The following MACROD2 variants were observed in gnomAD, a reference collection of about 807,000 sequenced individuals.
MACROD2 encodes the protein mono-ADP ribosylhydrolase 2, also known as ADP-ribose glycohydrolase MACROD2.
MACROD2 carries 36 observed loss-of-function variants against 70.4 expected under a neutral mutation model. The ratio of observed to expected loss-of-function variants is 0.51; its 90% CI spans 0.39 to 0.68. MACROD2 has a LOEUF of 0.68. MACROD2 is among the 30% of genes least tolerant of loss of function. The pLI is 0.00. For missense variants in MACROD2, 496 were observed against 538.4 expected (o/e 0.92, Z 0.78); for synonymous variants, 172 against 178.8 (o/e 0.96, Z 0.30).
chr20:15,836,237 G>A (rs892014064), intron 8 of MACROD2, among the ~76,000 whole-genome samples: 1 of 152,218 alleles, frequency 6.6e-6, no homozygotes, highest in Non-Finnish European at 1.5e-5. Context: ...ACTTAGGAGA[G>A]GGTAAATGGA....
intron 3 of MACROD2, among the ~76,000 whole-genome samples, chr20:14,151,816 T>C (rs1170095614): frequency 2.1e-4 from 27 of 126,680 alleles, no homozygotes; most frequent in African/African-American, 6.3e-4. Flanking sequence ...TGTATCTTTT[T>C]TTTTTTTTTT....
rs565800765 is a variant in MACROD2 at position 15,540,445 on chromosome 20, G to C, written c.645+40598G>C. ...GAGAAGGAAGTGTGGCCAAGGAAGA[G>C]ACTCTTGTAGCAATTCAAATGAGAA... On this transcript the variant is annotated intron_variant, in intron 8 of 17. Coordinates refer to ENST00000684519, the MANE Select transcript of MACROD2 (RefSeq NM_001351661.2). 5.9e-5 allele frequency among the ~76,000 whole-genome samples: 9 copies of C among 152,262 alleles called. No homozygotes were observed. In the East Asian group the frequency reaches 1.7e-3, roughly 29 times the overall value.
chr20:15,125,271 A>C (rs1386262602), intron 5 of MACROD2, among the ~76,000 whole-genome samples: 1 of 152,110 alleles, frequency 6.6e-6, no homozygotes, highest in Non-Finnish European at 1.5e-5. Flanking sequence ...TGTTAAACAA[A>C]GTAATTCCTA....
intron 5 of MACROD2, among the ~76,000 whole-genome samples, chr20:14,860,513 C>T (rs978349087): frequency 6.6e-6 from 1 of 152,062 alleles, no homozygotes; most frequent in African/African-American, 2.4e-5. Flanking sequence ...GCTGCACCTC[C>T]CTCCCGGCTG....
At chr20:15,819,601 G>A (rs2063917567) in intron 8 of MACROD2, among the ~76,000 whole-genome samples, 2 of 151,032 alleles carry the variant, frequency 1.3e-5, no homozygotes, top group African/African-American at 4.9e-5. Context: ...AATGGAAGGA[G>A]ATCCTGCCAT....
At position 14,449,309 on chromosome 20, in the gene MACROD2, C is replaced by T. The variant is rs575543791; in HGVS notation, c.272-44170C>T. The stretch of plus-strand genomic sequence containing the variant: ...CATTGTTTTCAAGGAGTTTCTCTGA[C>T]CATGTCACATAGTGGATCAATCAAC... On this transcript the variant is annotated intron_variant, in intron 3 of 17. Transcript: ENST00000684519. Among the ~76,000 whole-genome samples, 6 of 152,188 alleles carry T rather than the reference C, an allele frequency of 3.9e-5. No individual in the cohort carries two copies. The South Asian group carries it at 6.2e-4, about 16-fold the overall frequency.
intron 8 of MACROD2, among the ~76,000 whole-genome samples, chr20:15,789,571 A>G (rs779107646): frequency 2.0e-5 from 3 of 152,174 alleles, no homozygotes; most frequent in Non-Finnish European, 4.4e-5. Context: ...ATAAAAGACT[A>G]TTGAGTATCT....
At chr20:15,436,743 C>G (rs6079821) in intron 7 of MACROD2, among the ~76,000 whole-genome samples, 98,553 of 151,836 alleles carry the variant, frequency 0.65, 33,149 homozygotes, top group African/African-American at 0.81. Flanking sequence ...TAGGGTTTGA[C>G]GTAATATTCT....
intron 2 of MACROD2, among the ~76,000 whole-genome samples, chr20:14,030,854 A>G (rs185672205): frequency 6.6e-6 from 1 of 152,334 alleles, no homozygotes; most frequent in African/African-American, 2.4e-5. Flanking sequence ...TAGTAGTTCA[A>G]ATGGTCATTA....
chr20:14,290,801 G>A (rs529966228), intron 3 of MACROD2, among the ~76,000 whole-genome samples: 58 of 152,216 alleles, frequency 3.8e-4, no homozygotes, highest in Admixed American at 1.1e-3. Flanking sequence ...GAGCCACTGC[G>A]CCCAGCTGGT....
intron 3 of MACROD2, among the ~76,000 whole-genome samples, chr20:14,471,817 TA>T (rs2084534315): frequency 6.6e-6 from 1 of 151,920 alleles, no homozygotes; most frequent in Admixed American, 6.6e-5. Flanking sequence ...AAATCTCTTC[TA>T]AAAATGATTA....
chr20:16,049,888 A>G lies in MACROD2; in HGVS notation c.*12A>G, dbSNP rs146233573. 1.0e-3 allele frequency: 1,449 copies of G among 1,452,368 alleles called. 29 individuals carry two copies. The East Asian group carries it at 0.042, about 42-fold the overall frequency. The allele number at this position is 1,452,368 out of a possible 1,614,324, so 90.0% of individuals were successfully genotyped here. The stretch of plus-strand genomic sequence containing the variant: ...ATGGAACTAAATGACAATCCTCAGC[A>G]TCGCAAGGCCTCTCCTGGCTCTGGG... On this transcript the variant is annotated 3_prime_UTR_variant, in exon 18 of 18. Coordinates refer to ENST00000684519, the MANE Select transcript of MACROD2 (RefSeq NM_001351661.2).
At chr20:15,285,537 A>G (rs1600197426) in intron 6 of MACROD2, among the ~76,000 whole-genome samples, 1 of 152,166 alleles carries the variant, frequency 6.6e-6, no homozygotes, top group African/African-American at 2.4e-5. Context: ...TCGTACTTCA[A>G]TATGAAGTTT....
chr20:15,092,319 C>T (rs2075798474), intron 5 of MACROD2, among the ~76,000 whole-genome samples: 1 of 150,854 alleles, frequency 6.6e-6, no homozygotes, highest in African/African-American at 2.4e-5. Flanking sequence ...CAGGTACACA[C>T]ATTTTCAAAT....
intron 5 of MACROD2, among the ~76,000 whole-genome samples, chr20:14,970,969 C>T (rs2122800940): frequency 6.6e-6 from 1 of 152,296 alleles, no homozygotes; most frequent in South Asian, 2.1e-4. Context: ...GATACTTACA[C>T]TATGAAAGGA....
intron 3 of MACROD2, among the ~76,000 whole-genome samples, chr20:14,119,625 A>C (rs1341249940): frequency 4.6e-5 from 7 of 152,120 alleles, no homozygotes; most frequent in African/African-American, 7.2e-5. Flanking sequence ...AATATTAAGG[A>C]CCTACTGTCT....
intron 5 of MACROD2, among the ~76,000 whole-genome samples, chr20:14,783,881 T>G (rs1250296553): frequency 6.6e-6 from 1 of 152,152 alleles, no homozygotes; most frequent in Non-Finnish European, 1.5e-5. Context: ...TTTACCCAAC[T>G]ATTGTCAGTA....
intron 5 of MACROD2, among the ~76,000 whole-genome samples, chr20:14,862,606 A>T (rs1243430334): frequency 3.7e-5 from 1 of 27,182 alleles, no homozygotes; most frequent in Non-Finnish European, 6.4e-5. Flanking sequence ...TATAAATATA[A>T]ATATATATAA....
chr20:14,727,922 G>C (rs2123696956), intron 5 of MACROD2, among the ~76,000 whole-genome samples: 1 of 152,158 alleles, frequency 6.6e-6, no homozygotes, highest in East Asian at 1.9e-4. Context: ...TACTGGAGGG[G>C]ATTTAAAGGC....
Sources: allele counts gnomAD v4.1 joint callset (sites outside exome capture counted in the v4.1 genomes callset), GRCh38; gene constraint gnomAD v4.1.1; transcripts MANE v1.5; gene names NCBI Gene and HGNC (gene_info 2026-07-23, HGNC 2026-07-21).